Variants in TRMT9B observed in about 807,000 individuals in gnomAD.
The protein encoded by TRMT9B is probable tRNA methyltransferase 9B.
In TRMT9B, 16 loss-of-function variants were observed where a neutral mutation model predicts 11.5. The observed-to-expected ratio is 1.39, with a 90% CI of 0.94 to 2.11. The LOEUF (loss-of-function observed/expected upper bound fraction) is 2.11, where lower values mean the gene tolerates loss of function less well. TRMT9B is among the 30% of genes most tolerant of loss of function. TRMT9B has a pLI of 0.00. For synonymous variants in TRMT9B, 274 were observed against 192.4 expected (o/e 1.42, Z -3.51); for missense variants, 941 against 553.8 (o/e 1.70, Z -7.02).
intron 2 of TRMT9B, among the ~76,000 whole-genome samples, chr8:12,999,696 ATC>A (rs922127352): frequency 1.3e-5 from 2 of 152,202 alleles, no homozygotes; most frequent in Admixed American, 6.5e-5. Context: ...GAAGTTCAGA[ATC>A]TAGTAGAAAT....
chr8:13,019,417 G>T (rs1228479632), intron 4 of TRMT9B, among the ~76,000 whole-genome samples: 1 of 152,102 alleles, frequency 6.6e-6, no homozygotes, highest in Non-Finnish European at 1.5e-5. Context: ...TCAGCCTCCT[G>T]AGTAGCTGGA....
intron 4 of TRMT9B, among the ~76,000 whole-genome samples, chr8:13,015,456 A>G (rs1402467039): frequency 6.6e-6 from 1 of 152,092 alleles, no homozygotes; most frequent in African/African-American, 2.4e-5. Context: ...GTCTCAGGTT[A>G]TCCTCCTGCC....
chr8:12,985,742 C>G (rs1301907938), intron 1 of TRMT9B, among the ~76,000 whole-genome samples: 1 of 152,148 alleles, frequency 6.6e-6, no homozygotes, highest in Non-Finnish European at 1.5e-5. Flanking sequence ...ATCTATGGGA[C>G]TTAAGAGTTT....
chr8:12,990,699 A>T, intron 1 of TRMT9B, 135 bp from the exon 2 acceptor site: 1 of 306,394 alleles, frequency 3.3e-6, no homozygotes, highest in Non-Finnish European at 6.0e-6. Context: ...GGCACACTCC[A>T]CATATTAACA....
In TRMT9B at chr8:13,021,601, G is replaced by T. The variant is rs1465554806; in HGVS notation, c.922G>T (p.Asp308Tyr). 6.2e-7 allele frequency: 1 copy of T among 1,613,850 alleles called. No homozygotes were observed. Among genetic ancestry groups the T allele is most frequent in the Non-Finnish European group, 8.5e-7 (1 of 1,179,886 alleles). Residue 308 changes from aspartate to tyrosine, a missense_variant, in exon 5 of 5, where the codon GAT (aspartate) becomes TAT (tyrosine). Transcript: ENST00000524591. ...ATTTTCAACAAAAGGGCAAAGTTTA[G>T]ATGAGGAAGTGTTTGTGGAATCTTC... Reference protein sequence around the residue: ...EPFSTKGQSLDEEVFVESSSG... With the variant: ...EPFSTKGQSLYEEVFVESSSG...
chr8:13,011,611 GGTTTATTCATTCATGTTA>G (rs1380121515), intron 3 of TRMT9B: 18 of 950,518 alleles, frequency 1.9e-5, no homozygotes, highest in Non-Finnish European at 2.2e-5. Flanking sequence ...GTTTCAAGGT[GGTTTATTCATTCATGTTA>G]CTACCTACCT....
Position 13,028,454 on chromosome 8 carries a change from T to G in TRMT9B, c.*6410T>G. ...TATTACCTCCACATTGAAAAACGAG[T>G]GAGTCACTGCAGTTAAGCCAGTGTA... On this transcript the variant is annotated 3_prime_UTR_variant, in exon 5 of 5. Coordinates refer to ENST00000524591, the MANE Select transcript of TRMT9B (RefSeq NM_020844.3). The G allele has an allele frequency of 6.0e-6, 1 of 167,148 alleles. No individual in the cohort carries two copies. The allele number at this position is 167,148 out of a possible 1,614,324, so 10.4% of individuals were successfully genotyped here. A position where few individuals can be genotyped will look rare whatever the true frequency, so the allele number is the denominator to read the frequency against.
intron 2 of TRMT9B, among the ~76,000 whole-genome samples, chr8:12,995,366 G>C (rs1808147483): frequency 6.6e-6 from 1 of 152,126 alleles, no homozygotes; most frequent in Non-Finnish European, 1.5e-5. Flanking sequence ...AATTGGAGTA[G>C]ATATAAACAA....
chr8:12,970,949 G>C (rs1803526793), intron 1 of TRMT9B, among the ~76,000 whole-genome samples: 1 of 152,214 alleles, frequency 6.6e-6, no homozygotes, highest in Admixed American at 6.5e-5. Context: ...TAAAAGAGGA[G>C]AGGCACTTTA....
chr8:12,985,893 C>G (rs1036762576), intron 1 of TRMT9B, among the ~76,000 whole-genome samples: 1 of 152,088 alleles, frequency 6.6e-6, no homozygotes, highest in South Asian at 2.1e-4. Context: ...TGGAGTCTCA[C>G]TCTGTCACCC....
rs559048279 is a variant in TRMT9B at position 13,019,265 on chromosome 8, G to T, written c.329-1743G>T. On this transcript the variant is annotated intron_variant, in intron 4 of 4. Coordinates refer to ENST00000524591, the MANE Select transcript of TRMT9B (RefSeq NM_020844.3). ...CAAGTTATGGGAGATACATACATAT[G>T]GGAGATACATTTATATGAGTGTGTA... Among the ~76,000 whole-genome samples the T allele has an allele frequency of 2.6e-5, 4 of 152,252 alleles. No homozygotes were observed. The East Asian group carries it at 7.7e-4, about 29-fold the overall frequency.
rs147304625 is a variant in TRMT9B at position 12,955,732 on chromosome 8, G to A, written c.-200+9766G>A. ...TAATGGAAACTATCCTAACTATTTC[G>A]AGCAGGAAGGGGTTGAATATGAGAA... On this transcript the variant is annotated intron_variant, in intron 1 of 4. Coordinates refer to ENST00000524591, the MANE Select transcript of TRMT9B (RefSeq NM_020844.3). Among the ~76,000 whole-genome samples the A allele has an allele frequency of 1.4e-3, 206 of 152,158 alleles. 1 individual carries two copies. Among genetic ancestry groups the A allele is most frequent in the African/African-American group, 4.8e-3 (199 of 41,508 alleles).
intron 2 of TRMT9B, among the ~76,000 whole-genome samples, chr8:12,996,092 G>C (rs947025523): frequency 6.6e-6 from 1 of 152,186 alleles, no homozygotes; most frequent in African/African-American, 2.4e-5. Context: ...GGATCATGTA[G>C]CCTCCTTCCT....
intron 1 of TRMT9B, among the ~76,000 whole-genome samples, chr8:12,954,614 T>G (rs923436951): frequency 1.3e-5 from 2 of 152,224 alleles, no homozygotes; most frequent in African/African-American, 4.8e-5. Flanking sequence ...AATTAGGAAT[T>G]CTTCTGAAAA....
intron 1 of TRMT9B, among the ~76,000 whole-genome samples, chr8:12,947,706 T>A (rs2977095): frequency 0.31 from 46,451 of 152,210 alleles, 7,441 homozygotes; most frequent in East Asian, 0.56. Flanking sequence ...CTTACGTGAA[T>A]TCCTTACTTA....
In TRMT9B at chr8:12,965,211, T is replaced by C. The variant is rs114749256; in HGVS notation, c.-200+19245T>C. On this transcript the variant is annotated intron_variant, in intron 1 of 4. Transcript: ENST00000524591. ...GAACCAAAAGCCTCTGTGTGTGATA[T>C]AAGCATTCAAGCCATATGGCTGAAT... 5.1e-3 allele frequency among the ~76,000 whole-genome samples: 783 copies of C among 152,336 alleles called. 7 individuals carry two copies. The highest frequency in any genetic ancestry group is 0.018 in the African/African-American group (737 of 41,572).
At chr8:12,958,461 G>C (rs1220998504) in intron 1 of TRMT9B, 1 of 152,280 alleles carries the variant, frequency 6.6e-6, no homozygotes, top group African/African-American at 2.4e-5. Flanking sequence ...CATCAGATTG[G>C]TGCCCAGCTA....
At chr8:12,966,280 A>G (rs1802812489) in intron 1 of TRMT9B, among the ~76,000 whole-genome samples, 1 of 152,148 alleles carries the variant, frequency 6.6e-6, no homozygotes, top group African/African-American at 2.4e-5. Context: ...CTCTGTGCTC[A>G]GGGTGTGGGC....
chr8:12,968,149 T>G (rs1252178855), intron 1 of TRMT9B, among the ~76,000 whole-genome samples: 1 of 152,210 alleles, frequency 6.6e-6, no homozygotes, highest in Non-Finnish European at 1.5e-5. Context: ...TCTCTCTAAG[T>G]GCTGGGATTA....
Sources: allele counts gnomAD v4.1 joint callset (sites outside exome capture counted in the v4.1 genomes callset), GRCh38; gene constraint gnomAD v4.1.1; transcripts MANE v1.5; gene names NCBI Gene and HGNC (gene_info 2026-07-23, HGNC 2026-07-21).